Variants in DSC1 observed in about 807,000 individuals in gnomAD.
DSC1 encodes the protein desmocollin 1, also known as desmocollin-1.
A neutral mutation model predicts 98.8 loss-of-function variants in DSC1; 79 were observed. The observed-to-expected ratio is 0.80, with a 90% CI of 0.67 to 0.96. The LOEUF (loss-of-function observed/expected upper bound fraction) is 0.96. Ranked by LOEUF, DSC1 falls within the 50% of genes least tolerant of loss-of-function variation. DSC1 has a pLI of 0.00. For missense variants in DSC1, 1,115 were observed against 1,075.9 expected (o/e 1.04, Z -0.51); for synonymous variants, 405 against 372.1 (o/e 1.09, Z -1.02).
At chr18:31,134,486 G>C in intron 12 of DSC1, 86 bp downstream of exon 12, 2 of 1,100,084 alleles carry the variant, frequency 1.8e-6, no homozygotes, top group South Asian at 3.5e-5. Context: ...TAAAATAAAT[G>C]TGTATTTATT....
At chr18:31,149,905 T>G (rs1158838740) in intron 5 of DSC1, among the ~76,000 whole-genome samples, 1 of 152,162 alleles carries the variant, frequency 6.6e-6, no homozygotes, top group Non-Finnish European at 1.5e-5. Flanking sequence ...TAACAAAACT[T>G]ACATTATGGC....
In DSC1 at chr18:31,141,977, C is replaced by T. The variant is rs557838678; in HGVS notation, c.1260+22G>A. On this transcript the variant is annotated intron_variant, in intron 9 of 15. Coordinates refer to ENST00000257198, the MANE Select transcript of DSC1 (RefSeq NM_024421.2). ...TGAGTTAGGATATTTTAAAGCATAG[C>T]CTGATTATTTTATTTGTTTACCTTG... 2.6e-5 allele frequency: 41 copies of T among 1,586,242 alleles called. No homozygotes were observed. The Admixed American group carries it at 3.4e-4, about 13-fold the overall frequency.
intron 6 of DSC1, among the ~76,000 whole-genome samples, chr18:31,147,837 T>G (rs1208592052): frequency 6.6e-6 from 1 of 152,140 alleles, no homozygotes; most frequent in Non-Finnish European, 1.5e-5. Flanking sequence ...CACCATAAAA[T>G]AGACATTCCT....
intron 12 of DSC1, 43 bp from the exon 13 acceptor site, chr18:31,134,173 G>A: frequency 2.5e-6 from 4 of 1,585,360 alleles, no homozygotes; most frequent in Non-Finnish European, 3.4e-6. Flanking sequence ...TGGCTGTTTA[G>A]ATGGCAGTAT....
chr18:31,157,177 C>A (rs1989114615), intron 3 of DSC1, among the ~76,000 whole-genome samples, 194 bp downstream of exon 3: 1 of 152,166 alleles, frequency 6.6e-6, no homozygotes, highest in African/African-American at 2.4e-5. Flanking sequence ...AGTCATTCAT[C>A]TTTATAAAAG....
At chr18:31,161,227 A>G (rs1989202114) in intron 1 of DSC1, among the ~76,000 whole-genome samples, 1 of 152,134 alleles carries the variant, frequency 6.6e-6, no homozygotes, top group African/African-American at 2.4e-5. Context: ...AATACAATAT[A>G]AAAGATAAAA....
Position 31,130,217 on chromosome 18 carries a change from A to C in DSC1, c.*297T>G, listed in dbSNP as rs1988454381. On this transcript the variant is annotated 3_prime_UTR_variant, in exon 16 of 16. Transcript: ENST00000257198. ...TTCCCAAATGCTCTTCCACAGCACA[A>C]AAAGTAACATCAGTTTGCAAATAAA... The C allele has an allele frequency of 3.5e-6, 1 of 286,380 alleles. No homozygotes were observed. The highest frequency in any genetic ancestry group is 7.9e-5 in the South Asian group (1 of 12,676). 17.7% of individuals were successfully genotyped at this position (286,380 alleles called of 1,614,324 possible). A position where few individuals can be genotyped will look rare whatever the true frequency, so the allele number is the denominator to read the frequency against.
chr18:31,159,981 C>CT (rs968897039), intron 1 of DSC1, among the ~76,000 whole-genome samples: 9 of 152,080 alleles, frequency 5.9e-5, no homozygotes, highest in African/African-American at 2.2e-4. Context: ...TAGTTAAGGG[C>CT]TTTTTTAACC....
chr18:31,160,999 T>A (rs1442913917), intron 1 of DSC1, among the ~76,000 whole-genome samples: 1 of 152,062 alleles, frequency 6.6e-6, no homozygotes, highest in Non-Finnish European at 1.5e-5. Context: ...TTAGAGGATA[T>A]AGTCTACTAC....
Position 31,153,017 on chromosome 18 carries a change from G to A in DSC1, c.627+1757C>T, listed in dbSNP as rs545867994. ...ACAGAAACATGGGTAATTCTGAGGC[G>A]AAATTATTTAAAAGTTTAACTTTGA... On this transcript the variant is annotated intron_variant, in intron 5 of 15. Transcript: ENST00000257198. 2.2e-5 allele frequency among the ~76,000 whole-genome samples: 3 copies of A among 134,850 alleles called. 1 individual carries two copies. The South Asian group carries it at 6.8e-4, about 31-fold the overall frequency. 88.5% of individuals were successfully genotyped at this position (134,850 alleles called of 152,430 possible). A position where few individuals can be genotyped will look rare whatever the true frequency, so the allele number is the denominator to read the frequency against.
Position 31,143,780 on chromosome 18 carries a change from A to G in DSC1, c.951T>C (p.Thr317=), listed in dbSNP as rs1988786726. The G allele has an allele frequency of 6.3e-7, 1 of 1,576,890 alleles. No individual in the cohort carries two copies. The highest frequency in any genetic ancestry group is 8.6e-7 in the Non-Finnish European group (1 of 1,164,400). ...TPFLDREKCD[T]YQLIMEVRDM... ...CTCGCACTTCCATTATTAACTGGTAAGTATCACATTTCTGAAAAAAAGGAA... is the reference window on the plus strand; with the variant it reads ...CTCGCACTTCCATTATTAACTGGTAGGTATCACATTTCTGAAAAAAAGGAA... The change falls in exon 8 of 16, where the codon ACT becomes ACC. Residue 317 remains threonine (T), a synonymous_variant. Transcript: ENST00000257198.
In DSC1 at chr18:31,139,775, TG is replaced by T; in HGVS notation, c.1635del (p.Tyr545Ter). The T allele has an allele frequency of 6.2e-7, 1 of 1,608,820 alleles. No individual in the cohort carries two copies. The highest frequency in any genetic ancestry group is 8.5e-7 in the Non-Finnish European group (1 of 1,178,070). ...GCATCCACTGCAACAACTGAAATATTGTATTGGTTGTTTTTTACAAATTTGG... is the reference window on the plus strand; with the variant it reads ...GCATCCACTGCAACAACTGAAATATTTATTGGTTGTTTTTTACAAATTTGG... Reference protein sequence around the residue: ...RESKFVKNNQYNISVVAVDAV... With the variant: ...RESKFVKNNQXNISVVAVDAV... On this transcript the variant is annotated frameshift_variant, in exon 11 of 16. Coordinates refer to ENST00000257198, the MANE Select transcript of DSC1 (RefSeq NM_024421.2). LOFTEE classifies it high-confidence loss of function.
At chr18:31,132,849 A>G (rs1473133154) in intron 13 of DSC1, among the ~76,000 whole-genome samples, 160 bp from the exon 14 acceptor site, 1 of 152,210 alleles carries the variant, frequency 6.6e-6, no homozygotes, top group African/African-American at 2.4e-5. Context: ...ATGTATTTAT[A>G]CTATTTGTAG....
At chr18:31,159,729 T>G (rs1168204325) in intron 1 of DSC1, among the ~76,000 whole-genome samples, 200 bp from the exon 2 acceptor site, 1 of 152,164 alleles carries the variant, frequency 6.6e-6, no homozygotes, top group African/African-American at 2.4e-5. Context: ...TATTTGTCAA[T>G]GAAAAAAATT....
chr18:31,141,581 A>G lies in DSC1; in HGVS notation c.1260+418T>C, dbSNP rs77431117. 4.3e-3 allele frequency among the ~76,000 whole-genome samples: 651 copies of G among 152,342 alleles called. 5 individuals carry two copies. Among genetic ancestry groups the G allele is most frequent in the African/African-American group, 0.014 (603 of 41,590 alleles). Reference sequence around the variant, plus strand: ...AGTTCAATAGTCTCTTTTACAGAATACATCATAGAGAGGTAAAAATAAAAT... The same window carrying G: ...AGTTCAATAGTCTCTTTTACAGAATGCATCATAGAGAGGTAAAAATAAAAT... On this transcript the variant is annotated intron_variant, in intron 9 of 15. Transcript: ENST00000257198.
rs547626417 is a variant in DSC1 at position 31,162,769 on chromosome 18, C to G, written c.-175G>C. The G allele has an allele frequency of 5.1e-6, 3 of 587,974 alleles. No individual in the cohort carries two copies. The highest frequency in any genetic ancestry group is 9.2e-6 in the Non-Finnish European group (3 of 326,854). 36.4% of individuals were successfully genotyped at this position (587,974 alleles called of 1,614,324 possible). On this transcript the variant is annotated 5_prime_UTR_variant, in exon 1 of 16. Coordinates refer to ENST00000257198, the MANE Select transcript of DSC1 (RefSeq NM_024421.2). ...AAGTGATAAACAGTAGGAGGAGCAA[C>G]GGGAGAATTTCTTTCCCCCTATTCC... is the stretch of plus-strand genomic sequence containing the variant.
intron 4 of DSC1, among the ~76,000 whole-genome samples, chr18:31,155,545 G>A (rs1035932393): frequency 9.9e-5 from 15 of 152,234 alleles, no homozygotes; most frequent in African/African-American, 2.6e-4. Flanking sequence ...CAGGAGAATC[G>A]CTTGAACCCA....
Position 31,133,909 on chromosome 18 carries a change from C to T in DSC1, c.2098G>A (p.Gly700Ser), listed in dbSNP as rs1180470719. Residue 700 changes from glycine (G) to serine (S), a missense_variant, in exon 13 of 16, where the codon GGT becomes AGT. Transcript: ENST00000257198. ...TACTTACATAATAACAATACAGAAC[C>T]CAACACCATAGCAAGAATAGCCCAT... ...GRWAILAMVL[G>S]SVLLLCILFT... is the part of the protein sequence containing the mutation. 1.2e-6 allele frequency: 2 copies of T among 1,612,458 alleles called. No individual in the cohort carries two copies. Among genetic ancestry groups the T allele is most frequent in the South Asian group, 1.1e-5 (1 of 90,962 alleles).
intron 5 of DSC1, among the ~76,000 whole-genome samples, chr18:31,152,548 T>TCTAG (rs1989021260): frequency 6.6e-6 from 1 of 152,218 alleles, no homozygotes; most frequent in African/African-American, 2.4e-5. Flanking sequence ...CGTGTATTGT[T>TCTAG]AAATCTACCA....
Sources: gnomAD v4.1 joint callset for allele counts (sites outside exome capture counted in the v4.1 genomes callset) on GRCh38, gnomAD v4.1.1 for gene constraint, MANE v1.5 for transcripts, NCBI Gene and HGNC (gene_info 2026-07-23, HGNC 2026-07-21) for gene names.